Variants in UBE3A observed in about 807,000 individuals in gnomAD.
UBE3A encodes the protein ubiquitin protein ligase E3A.
Under a neutral mutation model 83.4 loss-of-function variants are expected in UBE3A, and 6 were observed. That is an observed-to-expected ratio of 0.07 (90% CI 0.04 to 0.14). The LOEUF (loss-of-function observed/expected upper bound fraction) is 0.14, where lower values mean the gene tolerates loss of function less well. UBE3A is among the 10% of genes least tolerant of loss of function. The pLI is 1.00. For missense variants in UBE3A, 456 were observed against 1,036.1 expected, an observed-to-expected ratio of 0.44 and a Z score of 7.69; for synonymous variants, 337 against 355.4, an observed-to-expected ratio of 0.95 and a Z score of 0.58.
At chr15:25,346,841 T>C (rs926954761) in intron 11 of UBE3A, 2 of 152,186 alleles carry the variant, frequency 1.3e-5, no homozygotes, top group East Asian at 1.9e-4. Context: ...CTCAGGTCCA[T>C]GTGGAACAGT....
intron 6 of UBE3A, among the ~76,000 whole-genome samples, chr15:25,367,291 T>G (rs2079456559): frequency 7.3e-6 from 1 of 137,176 alleles, no homozygotes; most frequent in African/African-American, 2.7e-5. Flanking sequence ...TTAAATTAAA[T>G]TAATTTACAT....
intron 1 of UBE3A, chr15:25,420,565 C>G (rs1889294831): frequency 6.6e-6 from 1 of 152,098 alleles, no homozygotes; most frequent in Admixed American, 6.6e-5. Flanking sequence ...AACTTCTCAA[C>G]AGCAGTCATG....
intron 1 of UBE3A, among the ~76,000 whole-genome samples, chr15:25,429,678 T>C (rs1351774078): frequency 2.6e-5 from 4 of 152,044 alleles, no homozygotes; most frequent in East Asian, 1.9e-4. Context: ...TGAAACTTCA[T>C]CTCTACAAAA....
intron 1 of UBE3A, chr15:25,419,294 TAA>T (rs539974438): frequency 6.6e-6 from 1 of 151,820 alleles, no homozygotes; most frequent in African/African-American, 2.4e-5. Flanking sequence ...TTGAAAAGCA[TAA>T]AAAAAGACAC....
chr15:25,359,760 G>C (rs1393596973), intron 7 of UBE3A, among the ~76,000 whole-genome samples: 1 of 152,020 alleles, frequency 6.6e-6, no homozygotes, highest in African/African-American at 2.4e-5. Flanking sequence ...TCACAAAAGG[G>C]AAAAAACTAA....
intron 3 of UBE3A, chr15:25,408,580 A>G (rs1323798531): frequency 1.2e-6 from 2 of 1,613,664 alleles, no homozygotes; most frequent in East Asian, 4.5e-5. Flanking sequence ...ACTAATCTGA[A>G]TACTGCAGCA....
intron 3 of UBE3A, chr15:25,408,785 A>G: frequency 3.1e-6 from 3 of 979,766 alleles, no homozygotes; most frequent in South Asian, 2.0e-5. Flanking sequence ...TTTAAAATGC[A>G]TATTAAGAAA....
chr15:25,410,849 A>C (rs1881823963), intron 2 of UBE3A, among the ~76,000 whole-genome samples: 1 of 152,194 alleles, frequency 6.6e-6, no homozygotes. Flanking sequence ...CATATGGGAA[A>C]CACCACCTTC....
intron 6 of UBE3A, among the ~76,000 whole-genome samples, chr15:25,367,215 AAATATTTACATATTTGTAAATATG>A (rs2079345572): frequency 1.3e-5 from 1 of 76,442 alleles, no homozygotes; most frequent in Non-Finnish European, 2.3e-5. Flanking sequence ...GTAAATATGT[AAATATTTACATATTTGTAAATATG>A]TAAATATTTG....
At chr15:25,355,847 A>C (rs1257625216) in intron 9 of UBE3A, 45 bp downstream of exon 9, 1 of 1,560,756 alleles carries the variant, frequency 6.4e-7, no homozygotes, top group Admixed American at 1.7e-5. Flanking sequence ...CATGCTTTGA[A>C]AGTGTTAATG....
At chr15:25,389,227 C>T (rs1206347544) in intron 4 of UBE3A, among the ~76,000 whole-genome samples, 1 of 143,356 alleles carries the variant, frequency 7.0e-6, no homozygotes, top group Non-Finnish European at 1.5e-5. Flanking sequence ...TAGTCTTTTT[C>T]AATAAACAGT....
At position 25,371,088 on chromosome 15, in the gene UBE3A, A is replaced by T. The variant is rs375600705; in HGVS notation, c.1086T>A (p.Asp362Glu). Residue 362 changes from aspartate (D) to glutamate (E), a missense_variant, in exon 6 of 13, where the codon GAT becomes GAA. Around this residue, in one of 13 missense-constraint regions of UBE3A, gnomAD observed 85 missense variants for 137.0 expected, o/e 0.62. Transcript: ENST00000648336. The surrounding 1 kb of genome is among the most constrained non-coding windows in gnomAD (Gnocchi z 5.3). ...ACTTCGAAGCAGCAACAATGGCATC[A>T]TCATCATTCACTAGATTTCGACTGT... ...EFNSRNLVND[D>E]DAIVAASKCL... The T allele has an allele frequency of 1.2e-6, 2 of 1,614,006 alleles. No homozygotes were observed. Among genetic ancestry groups the T allele is most frequent in the Non-Finnish European group, 1.7e-6 (2 of 1,179,998 alleles).
At chr15:25,342,269 C>A (rs948031101) in intron 11 of UBE3A, among the ~76,000 whole-genome samples, 2 of 152,088 alleles carry the variant, frequency 1.3e-5, no homozygotes, top group Non-Finnish European at 2.9e-5. Flanking sequence ...TGAAGCTTAA[C>A]TGAACCAGCT....
At chr15:25,408,691 G>A (rs756024206) in intron 3 of UBE3A, 1 of 1,599,778 alleles carries the variant, frequency 6.3e-7, no homozygotes, top group Non-Finnish European at 8.5e-7. Flanking sequence ...CTCTCTAGGA[G>A]AGAAAAGTAT....
At chr15:25,411,295 T>C (rs1282296067) in intron 2 of UBE3A, among the ~76,000 whole-genome samples, 1 of 152,216 alleles carries the variant, frequency 6.6e-6, no homozygotes, top group African/African-American at 2.4e-5. Context: ...CCTGACATAA[T>C]GTGCTCACAA....
chr15:25,395,552 C>G (rs1176614559), intron 4 of UBE3A, among the ~76,000 whole-genome samples: 1 of 152,040 alleles, frequency 6.6e-6, no homozygotes, highest in African/African-American at 2.4e-5. Flanking sequence ...TCTGGCTGCA[C>G]AGGAGGGGAA....
rs2073914074 is a variant in UBE3A at position 25,335,362 on chromosome 15, G to A, written c.*3775C>T. 6.6e-6 allele frequency: 1 copy of A among 152,258 alleles called. No homozygotes were observed. Among genetic ancestry groups the A allele is most frequent in the African/African-American group, 2.4e-5 (1 of 41,430 alleles). The allele number at this position is 152,258 out of a possible 1,614,324, so 9.4% of individuals were successfully genotyped here. A position where few individuals can be genotyped will look rare whatever the true frequency, so the allele number is the denominator to read the frequency against. On this transcript the variant is annotated 3_prime_UTR_variant, in exon 13 of 13. Transcript: ENST00000648336. ...GGCCAAATTGGAAAGGTCAGTGAGG[G>A]GGCAATCTGTGGAGGCACTGAATGC...
chr15:25,432,686 T>A (rs1277481757), intron 1 of UBE3A, among the ~76,000 whole-genome samples: 2 of 152,194 alleles, frequency 1.3e-5, no homozygotes, highest in Non-Finnish European at 2.9e-5. Flanking sequence ...CCTGAGGAGA[T>A]GAACTTCTGG....
At chr15:25,411,076 CCT>C (rs2089902529) in intron 2 of UBE3A, among the ~76,000 whole-genome samples, 1 of 152,164 alleles carries the variant, frequency 6.6e-6, no homozygotes, top group Admixed American at 6.5e-5. Flanking sequence ...CTTCCAGTCC[CCT>C]CTTTTATGAG....
Sources: gnomAD v4.1 joint callset for allele counts (sites outside exome capture counted in the v4.1 genomes callset) on GRCh38, gnomAD v4.1.1 for gene constraint, gnomAD v4.1.1 regional missense constraint, Gnocchi (gnomAD v3.1) non-coding constraint, MANE v1.5 for transcripts, NCBI Gene and HGNC (gene_info 2026-07-23, HGNC 2026-07-21) for gene names.